Variants in OXR1 observed in about 807,000 individuals in gnomAD.
OXR1 encodes oxidation resistance 1, also known as oxidation resistance protein 1.
In OXR1, 41 loss-of-function variants were observed where a neutral mutation model predicts 104.6. The ratio of observed to expected loss-of-function variants is 0.39; its 90% CI spans 0.31 to 0.51. The LOEUF (loss-of-function observed/expected upper bound fraction) is 0.51. Among genes scored for constraint, OXR1 ranks in the 20% least tolerant of loss-of-function variants. The probability of loss-of-function intolerance (pLI) is 0.77; values close to 1 mark genes in which losing one functional copy is unlikely to be tolerated. For missense variants in OXR1, 955 were observed against 1,031.9 expected (o/e 0.93, Z 1.02); for synonymous variants, 348 against 348.4 (o/e 1.00, Z 0.01).
intron 6 of OXR1, among the ~76,000 whole-genome samples, chr8:106,686,114 G>C (rs1828691041): frequency 6.6e-6 from 1 of 152,028 alleles, no homozygotes; most frequent in Non-Finnish European, 1.5e-5. Flanking sequence ...GTGGACTTTG[G>C]GGACTCAGGC....
At chr8:106,411,908 C>T (rs747290141) in intron 2 of OXR1, among the ~76,000 whole-genome samples, 1 of 152,104 alleles carries the variant, frequency 6.6e-6, no homozygotes, top group Non-Finnish European at 1.5e-5. Context: ...TTGAACACTT[C>T]GGAGCCAAAG....
At chr8:106,340,597 C>T (rs1211522842) in intron 1 of OXR1, among the ~76,000 whole-genome samples, 1 of 151,946 alleles carries the variant, frequency 6.6e-6, no homozygotes, top group African/African-American at 2.4e-5. Flanking sequence ...ATTATATATC[C>T]CTGTTATTTA....
chr8:106,737,578 G>T lies in OXR1; in HGVS notation c.2015G>T (p.Arg672Leu), dbSNP rs767040933. ...GATGCTCTAAATACTGAAGAACTGC[G>T]CACACTCTGCAGACGCCTCCAGGTG... is the stretch of plus-strand genomic sequence containing the variant. ...RIDALNTEEL[R>L]TLCRRLQITT... Residue 672 changes from arginine (R) to leucine (L), a missense_variant, in exon 12 of 17, where the codon CGC becomes CTC. By Grantham distance (102) the Arg-to-Leu change is moderately radical (BLOSUM62 -2). Transcript: ENST00000517566. The T allele has an allele frequency of 3.5e-6, 5 of 1,422,664 alleles. No individual in the cohort carries two copies. The highest frequency in any genetic ancestry group is 4.6e-6 in the Non-Finnish European group (5 of 1,080,548). The allele number at this position is 1,422,664 out of a possible 1,614,324, so 88.1% of individuals were successfully genotyped here.
chr8:106,453,924 A>C (rs1461276970), intron 2 of OXR1, among the ~76,000 whole-genome samples: 1 of 152,228 alleles, frequency 6.6e-6, no homozygotes, highest in Non-Finnish European at 1.5e-5. Flanking sequence ...TAAGAAAAAA[A>C]CCTGCCAATT....
chr8:106,383,487 C>T (rs957509633), intron 2 of OXR1, among the ~76,000 whole-genome samples: 11 of 152,128 alleles, frequency 7.2e-5, no homozygotes, highest in African/African-American at 2.7e-4. Flanking sequence ...TGAAATACTG[C>T]ATTATGAAGA....
At chr8:106,615,336 G>C (rs1350765137) in intron 3 of OXR1, among the ~76,000 whole-genome samples, 1 of 152,022 alleles carries the variant, frequency 6.6e-6, no homozygotes, top group Non-Finnish European at 1.5e-5. Flanking sequence ...GGAGGCTGAG[G>C]CAGGAGAATC....
chr8:106,463,895 T>A (rs1821040284), intron 2 of OXR1, among the ~76,000 whole-genome samples: 1 of 152,114 alleles, frequency 6.6e-6, no homozygotes. Flanking sequence ...TAAGCCTGAC[T>A]TATCTGTGTA....
At chr8:106,288,215 T>G (rs1208074401) in intron 1 of OXR1, among the ~76,000 whole-genome samples, 1 of 152,064 alleles carries the variant, frequency 6.6e-6, no homozygotes, top group African/African-American at 2.4e-5. Flanking sequence ...CTCCTTAAAT[T>G]TTGTGAAATT....
rs536754904 is a variant in OXR1, at chr8:106,620,314, G to T, written c.221-58896G>T. ...AAGCTGTATTGTGATTTAATTGACA[G>T]TTTTTTTTTCAATCTTTCTTTCTTG... On this transcript the variant is annotated intron_variant, in intron 3 of 16. Coordinates refer to ENST00000517566, the MANE Select transcript of OXR1 (RefSeq NM_001198533.2). Among the ~76,000 whole-genome samples, 6 of 150,544 alleles carry T rather than the reference G, an allele frequency of 4.0e-5. No homozygotes were observed. In the South Asian group the frequency reaches 1.3e-3, roughly 32 times the overall value.
chr8:106,399,108 G>T (rs1817901449), intron 2 of OXR1, among the ~76,000 whole-genome samples: 1 of 152,084 alleles, frequency 6.6e-6, no homozygotes, highest in Admixed American at 6.6e-5. Context: ...ATGTTGTGAA[G>T]TTTAAGTGGA....
At position 106,502,966 on chromosome 8, in the gene OXR1, T is replaced by C. The variant is rs529402722; in HGVS notation, c.24-15977T>C. Among the ~76,000 whole-genome samples, 47 of 152,260 alleles carry C rather than the reference T, an allele frequency of 3.1e-4. No individual in the cohort carries two copies. The South Asian group carries it at 9.5e-3, about 31-fold the overall frequency. ...AGGCAAAATTGAAATTGGGGAAGGA[T>C]TACCCTCTTGCAACCAAACTACTTA... On this transcript the variant is annotated intron_variant, in intron 2 of 16. Transcript: ENST00000517566.
chr8:106,291,992 A>C (rs1332501368), intron 1 of OXR1, among the ~76,000 whole-genome samples: 1 of 152,194 alleles, frequency 6.6e-6, no homozygotes, highest in Non-Finnish European at 1.5e-5. Flanking sequence ...GCTACAATTC[A>C]TGATGAGATT....
At chr8:106,730,927 G>A (rs1197785021) in intron 11 of OXR1, among the ~76,000 whole-genome samples, 1 of 151,814 alleles carries the variant, frequency 6.6e-6, no homozygotes, top group Non-Finnish European at 1.5e-5. Flanking sequence ...AAGAAAGAAA[G>A]TAAAAAGAAA....
intron 1 of OXR1, among the ~76,000 whole-genome samples, chr8:106,281,480 C>T (rs1335936752): frequency 4.6e-5 from 7 of 152,082 alleles, no homozygotes; most frequent in East Asian, 1.9e-4. Flanking sequence ...TGAAAACGTT[C>T]GGACAATGTA....
chr8:106,682,047 C>T (rs569939580), intron 4 of OXR1, among the ~76,000 whole-genome samples: 1 of 152,124 alleles, frequency 6.6e-6, no homozygotes, highest in South Asian at 2.1e-4. Context: ...TTCTTCAAGG[C>T]CCAGCTTTAA....
chr8:106,602,618 T>C (rs557057019), intron 3 of OXR1, among the ~76,000 whole-genome samples: 1 of 152,336 alleles, frequency 6.6e-6, no homozygotes, highest in South Asian at 2.1e-4. Flanking sequence ...TTCAGTTTTA[T>C]TAATATTCTA....
intron 2 of OXR1, among the ~76,000 whole-genome samples, chr8:106,497,279 G>T (rs892089826): frequency 6.6e-6 from 1 of 152,248 alleles, no homozygotes; most frequent in Non-Finnish European, 1.5e-5. Flanking sequence ...ACTTAGAAAA[G>T]CCTGAGACCT....
intron 3 of OXR1, among the ~76,000 whole-genome samples, chr8:106,672,105 A>G (rs1827063629): frequency 6.6e-6 from 1 of 151,484 alleles, no homozygotes; most frequent in African/African-American, 2.4e-5. Flanking sequence ...TGTGGGGAAA[A>G]ACCGGAGTTA....
chr8:106,278,501 G>A (rs1198965629), intron 1 of OXR1, among the ~76,000 whole-genome samples: 1 of 151,546 alleles, frequency 6.6e-6, no homozygotes, highest in Non-Finnish European at 1.5e-5. Context: ...ATCCAGAAAG[G>A]TTAACTTGTT....
Sources: gnomAD v4.1 joint callset for allele counts (sites outside exome capture counted in the v4.1 genomes callset) on GRCh38, gnomAD v4.1.1 for gene constraint, MANE v1.5 for transcripts, NCBI Gene and HGNC (gene_info 2026-07-23, HGNC 2026-07-21) for gene names.